Variants in SKP2 observed in about 807,000 individuals in gnomAD.
SKP2 encodes S-phase kinase associated protein 2.
Under a neutral mutation model 51.8 loss-of-function variants are expected in SKP2, and 16 were observed. The ratio of observed to expected loss-of-function variants is 0.31; its 90% confidence interval spans 0.21 to 0.47. The LOEUF (loss-of-function observed/expected upper bound fraction) is 0.47. SKP2 is among the 20% of genes least tolerant of loss of function. SKP2 has a pLI of 1.00. For missense variants in SKP2, 377 were observed against 505.3 expected (o/e 0.75, Z 2.43); for synonymous variants, 176 against 198.6 (o/e 0.89, Z 0.96).
intron 2 of SKP2, among the ~76,000 whole-genome samples, chr5:36,159,472 T>C (rs778298854): frequency 1.4e-4 from 22 of 152,212 alleles, no homozygotes; most frequent in Admixed American, 3.3e-4. Flanking sequence ...TATAGCCCCT[T>C]GAAGCCCCCC....
chr5:36,193,168 G>A (rs1746081925), intron 7 of SKP2: 3 of 152,086 alleles, frequency 2.0e-5, no homozygotes. Context: ...GGATGGAGTT[G>A]GCATTTTTCC....
At chr5:36,153,649 T>C (rs33672) in intron 2 of SKP2, among the ~76,000 whole-genome samples, 3,364 of 152,284 alleles carry the variant, frequency 0.022, 130 homozygotes, top group African/African-American at 0.076. Flanking sequence ...TCTTTCCCTC[T>C]TCTCTGGTAA....
At chr5:36,155,083 A>G (rs981567522) in intron 2 of SKP2, 1 of 152,174 alleles carries the variant, frequency 6.6e-6, no homozygotes, top group Non-Finnish European at 1.5e-5. Context: ...CCTTTGCAGA[A>G]GGGTTGATAG....
Sources: allele counts gnomAD v4.1 joint callset (sites outside exome capture counted in the v4.1 genomes callset), GRCh38; gene constraint gnomAD v4.1.1; transcripts MANE v1.5; gene names NCBI Gene and HGNC (gene_info 2026-07-23, HGNC 2026-07-21).